Variants in SPEN observed in about 807,000 individuals in gnomAD.
SPEN encodes the protein msx2-interacting protein.
Under a neutral mutation model 269.9 loss-of-function variants are expected in SPEN, and 18 were observed. The ratio of observed to expected loss-of-function variants is 0.07; its 90% CI spans 0.05 to 0.10. The LOEUF (loss-of-function observed/expected upper bound fraction) is 0.10, where lower values mean the gene tolerates loss of function less well. Ranked by LOEUF, SPEN falls within the 10% of genes least tolerant of loss-of-function variation. The pLI is 1.00. For missense variants in SPEN, 3,822 were observed against 4,631.2 expected (o/e 0.83, Z 5.07); for synonymous variants, 1,726 against 1,765.7 (o/e 0.98, Z 0.56).
At position 15,937,425 on chromosome 1, in the gene SPEN, C is replaced by A; in HGVS notation, c.10289C>A (p.Ser3430Tyr). The change falls in exon 12 of 15, where the codon TCC becomes TAC. Residue 3430 changes from serine to tyrosine, a missense_variant. Physicochemically the swap from Ser to Tyr is moderately radical, Grantham distance 144 (BLOSUM62 -2). Coordinates refer to ENST00000375759, the MANE Select transcript of SPEN (RefSeq NM_015001.3). The surrounding 1 kb of genome is among the most constrained non-coding windows in gnomAD (Gnocchi z 5.7). ...GCACAAGCAGAAACAGGCCCGACTT[C>A]CTTCCCCTCCCCTGTGTCTGTCTCC... ...QRAQAETGPT[S>Y]FPSPVSVSMK... 6.2e-7 allele frequency: 1 copy of A among 1,613,736 alleles called. No individual in the cohort carries two copies. Among genetic ancestry groups the A allele is most frequent in the Non-Finnish European group, 8.5e-7 (1 of 1,180,026 alleles).
At chr1:15,910,902 T>C (rs141820143) in intron 4 of SPEN, among the ~76,000 whole-genome samples, 199 bp from the exon 5 acceptor site, 2 of 152,260 alleles carry the variant, frequency 1.3e-5, no homozygotes, top group African/African-American at 4.8e-5. Flanking sequence ...GCTAGATCCT[T>C]TTGTGGTTCA....
chr1:15,874,128 A>C, intron 2 of SPEN: 2 of 1,363,310 alleles, frequency 1.5e-6, no homozygotes, highest in South Asian at 2.3e-5. Flanking sequence ...AATGTGGATA[A>C]ATTTCTAATT....
chr1:15,917,901 C>A (rs184342821), intron 6 of SPEN: 1 of 152,592 alleles, frequency 6.6e-6, no homozygotes, highest in African/African-American at 2.4e-5. Context: ...CATCAAAGCA[C>A]TGGAAGCCCT....
chr1:15,938,687 C>T, intron 13 of SPEN, 31 bp from the exon 14 acceptor site: 3 of 1,600,712 alleles, frequency 1.9e-6, no homozygotes, highest in Non-Finnish European at 2.6e-6. Context: ...CTAGGAGGCC[C>T]CTGCTCACTG....
intron 1 of SPEN, among the ~76,000 whole-genome samples, chr1:15,861,591 G>C (rs569815326): frequency 6.6e-5 from 10 of 152,130 alleles, no homozygotes; most frequent in Non-Finnish European, 7.3e-5. Flanking sequence ...GTAAATAACA[G>C]TATTAGTAAG....
At chr1:15,916,533 C>CA (rs2071069090) in intron 6 of SPEN, among the ~76,000 whole-genome samples, 2 of 118,714 alleles carry the variant, frequency 1.7e-5, no homozygotes, top group Non-Finnish European at 3.3e-5. Context: ...TTTTTTGAGA[C>CA]AGAGTATCAC....
chr1:15,922,398 T>C, intron 10 of SPEN, 49 bp downstream of exon 10: 2 of 1,293,246 alleles, frequency 1.5e-6, no homozygotes, highest in Non-Finnish European at 2.2e-6. Flanking sequence ...ATAGTTTTAA[T>C]ACAGAAACTT....
chr1:15,878,128 T>A (rs569890953), intron 3 of SPEN, among the ~76,000 whole-genome samples: 1 of 152,268 alleles, frequency 6.6e-6, no homozygotes, highest in Admixed American at 6.5e-5. Context: ...CTTACTTTGA[T>A]ACCTAGTATA....
intron 10 of SPEN, among the ~76,000 whole-genome samples, chr1:15,923,735 T>C (rs1313224404): frequency 6.6e-6 from 1 of 151,922 alleles, no homozygotes; most frequent in Non-Finnish European, 1.5e-5. Context: ...AGTGATGCGA[T>C]ATTGGCTTAC....
chr1:15,856,127 T>TTACA (rs977520302), intron 1 of SPEN, among the ~76,000 whole-genome samples: 32 of 150,966 alleles, frequency 2.1e-4, no homozygotes, highest in African/African-American at 7.5e-4. Context: ...ATAGCTGGGA[T>TTACA]TACAGGCACC....
intron 3 of SPEN, among the ~76,000 whole-genome samples, chr1:15,877,916 T>TAGTAG (rs1180370234): frequency 6.6e-6 from 1 of 151,916 alleles, no homozygotes; most frequent in Non-Finnish European, 1.5e-5. Context: ...GGCCAATTTT[T>TAGTAG]GTATTTTTAG....
chr1:15,856,601 T>C (rs1249018317), intron 1 of SPEN, among the ~76,000 whole-genome samples: 2 of 146,732 alleles, frequency 1.4e-5, no homozygotes, highest in East Asian at 4.0e-4. Flanking sequence ...AGAGTCTTGC[T>C]GTGTCACCCA....
chr1:15,873,774 G>T, intron 2 of SPEN: 3 of 1,018,532 alleles, frequency 2.9e-6, no homozygotes, highest in Non-Finnish European at 3.5e-6. Context: ...TGATGGAATG[G>T]GGAAAAATTA....
In SPEN at chr1:15,919,060, A is replaced by T. The variant is rs1459707125; in HGVS notation, c.1521+9A>T. On this transcript the variant is annotated intron_variant, in intron 7 of 14. Coordinates refer to ENST00000375759, the MANE Select transcript of SPEN (RefSeq NM_015001.3). Reference sequence around the variant, plus strand: ...GAAATAATCGCCTCAAGGTAAATGAATTTGCATAAATTATTGTGCTGTTAT... The same window carrying T: ...GAAATAATCGCCTCAAGGTAAATGATTTTGCATAAATTATTGTGCTGTTAT... 1 of 1,603,770 alleles carries T rather than the reference A, an allele frequency of 6.2e-7. No individual in the cohort carries two copies. The highest frequency in any genetic ancestry group is 2.2e-5 in the East Asian group (1 of 44,672).
Position 15,930,060 on chromosome 1 carries a change from G to C in SPEN, c.3820G>C (p.Asp1274His). Residue 1274 changes from aspartate (D) to histidine (H), a missense_variant, in exon 11 of 15, where the codon GAT (aspartate) becomes CAT (histidine). Physicochemically the swap from Asp to His is moderately conservative, Grantham distance 81 (BLOSUM62 -1). This residue lies in a region of SPEN where 267 missense variants were observed against 315.5 expected (regional missense o/e 0.85). Coordinates refer to ENST00000375759, the MANE Select transcript of SPEN (RefSeq NM_015001.3). This position sits in a 1 kb window ranked among gnomAD's most constrained non-coding sequence, Gnocchi z 5.3. The part of the protein sequence containing the change: ...VRHGSFHEDE[D>H]PIGSPRLLSV... Reference sequence around the variant, plus strand: ...ACATGGTTCCTTCCATGAAGATGAGGATCCCATAGGCTCCCCTAGGCTACT... The same window carrying C: ...ACATGGTTCCTTCCATGAAGATGAGCATCCCATAGGCTCCCCTAGGCTACT... 6.2e-7 allele frequency: 1 copy of C among 1,614,178 alleles called. No individual in the cohort carries two copies. The highest frequency in any genetic ancestry group is 8.5e-7 in the Non-Finnish European group (1 of 1,180,036).
intron 1 of SPEN, among the ~76,000 whole-genome samples, chr1:15,860,803 T>C (rs961483422): frequency 6.6e-5 from 10 of 151,934 alleles, no homozygotes; most frequent in African/African-American, 2.4e-4. Flanking sequence ...GGTTTCACCA[T>C]GTTGGCCAGG....
At position 15,937,246 on chromosome 1, in the gene SPEN, G is replaced by A. The variant is rs772447045; in HGVS notation, c.10110G>A (p.Pro3370=). 12 of 1,613,440 alleles carry A rather than the reference G, an allele frequency of 7.4e-6. No homozygotes were observed. The highest frequency in any genetic ancestry group is 5.0e-5 in the Admixed American group (3 of 59,966). The stretch of plus-strand genomic sequence containing the variant: ...CTGCCCAGCCTGCACCACCCTGCCC[G>A]CCCTCCCAGCTCGGTCAGCCCGGCC... ...TQPAQPAPPC[P]PSQLGQPGQP... Residue 3370 remains proline (P), a synonymous_variant, in exon 12 of 15, where the codon CCG becomes CCA. Transcript: ENST00000375759. The surrounding 1 kb of genome is among the most constrained non-coding windows in gnomAD (Gnocchi z 5.7).
Position 15,934,604 on chromosome 1 carries a change from G to A in SPEN, c.8364G>A (p.Gly2788=). The A allele has an allele frequency of 1.2e-6, 2 of 1,614,014 alleles. No individual in the cohort carries two copies. The highest frequency in any genetic ancestry group is 1.7e-6 in the Non-Finnish European group (2 of 1,179,920). ...SANENSRFHP[G]SMPVIDDRPA... ...ATGAAAACAGTCGGTTCCACCCAGG[G>A]TCCATGCCTGTGATCGACGATCGTC... Residue 2788 remains glycine (G), a synonymous_variant, in exon 11 of 15, where the codon GGG becomes GGA. Coordinates refer to ENST00000375759, the MANE Select transcript of SPEN (RefSeq NM_015001.3). The surrounding 1 kb of genome is among the most constrained non-coding windows in gnomAD (Gnocchi z 9.2).
chr1:15,925,528 G>A (rs2148736322), intron 10 of SPEN, among the ~76,000 whole-genome samples: 1 of 151,850 alleles, frequency 6.6e-6, no homozygotes, highest in African/African-American at 2.4e-5. Flanking sequence ...CAGCATGAAT[G>A]CTTATACATA....
Sources: gnomAD v4.1 joint callset for allele counts (sites outside exome capture counted in the v4.1 genomes callset) on GRCh38, gnomAD v4.1.1 for gene constraint, gnomAD v4.1.1 regional missense constraint, Gnocchi (gnomAD v3.1) non-coding constraint, MANE v1.5 for transcripts, NCBI Gene and HGNC (gene_info 2026-07-23, HGNC 2026-07-21) for gene names.